Variants in XRCC4 observed in about 807,000 individuals in gnomAD.
XRCC4 encodes DNA repair protein XRCC4.
A neutral mutation model predicts 39.1 loss-of-function variants in XRCC4; 28 were observed. That is an observed-to-expected ratio of 0.72 (90% CI 0.53 to 0.98). The LOEUF (loss-of-function observed/expected upper bound fraction) is 0.98. Among genes scored for constraint, XRCC4 ranks in the 50% least tolerant of loss-of-function variants. The pLI is 0.00. For synonymous variants in XRCC4, 123 were observed against 126.4 expected, an observed-to-expected ratio of 0.97 and a Z score of 0.18; for missense variants, 350 against 376.4, an observed-to-expected ratio of 0.93 and a Z score of 0.58.
At chr5:83,283,237 A>C (rs1179590621) in intron 7 of XRCC4, among the ~76,000 whole-genome samples, 1 of 152,186 alleles carries the variant, frequency 6.6e-6, no homozygotes, top group Admixed American at 6.5e-5. Context: ...ATACAGTTCA[A>C]CACCCTCATT....
At chr5:83,253,496 T>TTGTGTGTG (rs60610512) in intron 6 of XRCC4, among the ~76,000 whole-genome samples, 4 of 149,584 alleles carry the variant, frequency 2.7e-5, no homozygotes, top group African/African-American at 9.8e-5. Flanking sequence ...GGGTGTATGT[T>TTGTGTGTG]TGTGTGTGTG....
rs771067749 is a variant in XRCC4 at position 83,258,603 on chromosome 5, A to G, written c.819A>G (p.Arg273=). The G allele has an allele frequency of 6.2e-7, 1 of 1,611,462 alleles. No homozygotes were observed. The highest frequency in any genetic ancestry group is 8.5e-7 in the Non-Finnish European group (1 of 1,179,194). ...VTDIAPSRKR[R]QRMQRNLGTE... is the part of the protein sequence containing the mutation. Reference sequence around the variant, plus strand: ...ATATTGCACCAAGTAGAAAAAGGAGACAGCGAATGCAAAGAAATCTTGGGA... The same window carrying G: ...ATATTGCACCAAGTAGAAAAAGGAGGCAGCGAATGCAAAGAAATCTTGGGA... The change falls in exon 7 of 8, where the codon AGA becomes AGG. Residue 273 remains arginine (R), a synonymous_variant. Coordinates refer to ENST00000396027, the MANE Select transcript of XRCC4 (RefSeq NM_003401.5).
At chr5:83,374,149 T>C in the XRCC4 span, among the ~76,000 whole-genome samples, 1 of 152,136 alleles carries the variant, frequency 6.6e-6, no homozygotes, top group Non-Finnish European at 1.5e-5. Flanking sequence ...TTTATGGCCA[T>C]ATGAGGTGAG....
At chr5:83,293,261 A>T (rs1450737582) in intron 7 of XRCC4, among the ~76,000 whole-genome samples, 1 of 151,958 alleles carries the variant, frequency 6.6e-6, no homozygotes, top group Non-Finnish European at 1.5e-5. Context: ...TCCAAAGGAA[A>T]TGATATTCTT....
chr5:83,222,598 C>G (rs1007196899), intron 6 of XRCC4, among the ~76,000 whole-genome samples: 1 of 152,094 alleles, frequency 6.6e-6, no homozygotes, highest in East Asian at 1.9e-4. Context: ...TGGCCAAATT[C>G]AGGAACATGT....
At chr5:83,341,276 C>T (rs1316321541) in intron 7 of XRCC4, among the ~76,000 whole-genome samples, 1 of 151,924 alleles carries the variant, frequency 6.6e-6, no homozygotes, top group African/African-American at 2.4e-5. Context: ...CAGCAGTTAC[C>T]ATTTACCTGT....
At chr5:83,214,318 A>G (rs1751766406) in intron 6 of XRCC4, among the ~76,000 whole-genome samples, 1 of 152,194 alleles carries the variant, frequency 6.6e-6, no homozygotes, top group Non-Finnish European at 1.5e-5. Context: ...ATTCACTAAA[A>G]AACTCTTAGA....
chr5:83,275,065 A>T (rs1048354163), intron 7 of XRCC4, among the ~76,000 whole-genome samples: 25 of 152,138 alleles, frequency 1.6e-4, no homozygotes, highest in African/African-American at 6.0e-4. Flanking sequence ...GAGTAGGCTA[A>T]TAGAGGACCT....
intron 1 of XRCC4, among the ~76,000 whole-genome samples, chr5:83,079,713 T>A (rs1331199216): frequency 6.6e-6 from 1 of 152,036 alleles, no homozygotes; most frequent in Admixed American, 6.6e-5. Context: ...TATTTTATTT[T>A]TTGTAGAGAC....
At chr5:83,274,345 T>C (rs1451291594) in intron 7 of XRCC4, among the ~76,000 whole-genome samples, 1 of 152,230 alleles carries the variant, frequency 6.6e-6, no homozygotes, top group African/African-American at 2.4e-5. Flanking sequence ...TTATCAAGTG[T>C]TGTGTTATGT....
downstream of XRCC4, among the ~76,000 whole-genome samples, chr5:83,354,991 C>G (rs945736275): frequency 1.3e-5 from 2 of 152,080 alleles, no homozygotes; most frequent in African/African-American, 2.4e-5. Context: ...TGAACCATTG[C>G]CCTTTGAAAA....
intron 3 of XRCC4, among the ~76,000 whole-genome samples, chr5:83,158,000 T>TAGTA (rs1749041032): frequency 6.6e-6 from 1 of 152,114 alleles, no homozygotes; most frequent in Admixed American, 6.5e-5. Context: ...TTCAGATGGG[T>TAGTA]AGTACATTAT....
At chr5:83,352,506 T>C (rs909313080) in intron 7 of XRCC4, among the ~76,000 whole-genome samples, 13 of 152,310 alleles carry the variant, frequency 8.5e-5, no homozygotes, top group African/African-American at 2.6e-4. Context: ...AGAAAATATC[T>C]ACATAAATAT....
intron 1 of XRCC4, among the ~76,000 whole-genome samples, chr5:83,084,914 T>C (rs2619778): frequency 0.038 from 5,746 of 152,176 alleles, 132 homozygotes; most frequent in East Asian, 0.12. Context: ...AAAAAGGAAA[T>C]CGATTAGCTC....
At chr5:83,345,593 C>T (rs556802303) in intron 7 of XRCC4, among the ~76,000 whole-genome samples, 1 of 152,274 alleles carries the variant, frequency 6.6e-6, no homozygotes, top group Admixed American at 6.5e-5. Flanking sequence ...TCTGTTTGCA[C>T]AGGTTGACAC....
chr5:83,113,623 C>A (rs1746553736), intron 3 of XRCC4, among the ~76,000 whole-genome samples: 3 of 144,080 alleles, frequency 2.1e-5, no homozygotes, highest in Non-Finnish European at 4.6e-5. Context: ...ACATTTCTTT[C>A]TTTTTTTTTT....
At chr5:83,107,099 A>C (rs577765220) in intron 2 of XRCC4, among the ~76,000 whole-genome samples, 1 of 152,180 alleles carries the variant, frequency 6.6e-6, no homozygotes, top group African/African-American at 2.4e-5. Context: ...GCTTTAAAAC[A>C]GAAAATTTTA....
At chr5:83,147,213 C>T (rs987362462) in intron 3 of XRCC4, among the ~76,000 whole-genome samples, 1 of 152,102 alleles carries the variant, frequency 6.6e-6, no homozygotes, top group Non-Finnish European at 1.5e-5. Flanking sequence ...CTCTTGAACC[C>T]AGGAGTTCAA....
chr5:83,232,088 T>C (rs1752516705), intron 6 of XRCC4, among the ~76,000 whole-genome samples: 1 of 152,112 alleles, frequency 6.6e-6, no homozygotes, highest in African/African-American at 2.4e-5. Flanking sequence ...TTCTTCTCTT[T>C]CCATGAAACC....
Sources: allele counts gnomAD v4.1 joint callset (sites outside exome capture counted in the v4.1 genomes callset), GRCh38; gene constraint gnomAD v4.1.1; transcripts MANE v1.5; gene names NCBI Gene and HGNC (gene_info 2026-07-23, HGNC 2026-07-21).